FHOD3: variants seen among roughly 807,000 people sequenced by gnomAD.
FHOD3 encodes the protein FH1/FH2 domain-containing protein 3.
In FHOD3, 90 loss-of-function variants were observed where a neutral mutation model predicts 173.0. The ratio of observed to expected loss-of-function variants is 0.52; its 90% CI spans 0.44 to 0.62. The LOEUF is 0.62. Ranked by LOEUF, FHOD3 falls within the 20% of genes least tolerant of loss-of-function variation. FHOD3 has a pLI of 0.00. For missense variants in FHOD3, 1,945 were observed against 2,034.7 expected (o/e 0.96, Z 0.85); for synonymous variants, 828 against 823.0 (o/e 1.01, Z -0.10).
chr18:36,760,533 A>C lies in FHOD3; in HGVS notation c.4450-75A>C. On this transcript the variant is annotated intron_variant, in intron 26 of 28. Coordinates refer to ENST00000590592, the MANE Select transcript of FHOD3 (RefSeq NM_001281740.3). ...GACAGAGGAGAGGAGCTTTTCCTCAACCACGGGTTTTAGAAGCTTGAGTTG... is the reference window on the plus strand; with the variant it reads ...GACAGAGGAGAGGAGCTTTTCCTCACCCACGGGTTTTAGAAGCTTGAGTTG... The C allele has an allele frequency of 2.9e-6, 4 of 1,387,696 alleles. No homozygotes were observed. The South Asian group carries it at 5.0e-5, about 18-fold the overall frequency. The allele number at this position is 1,387,696 out of a possible 1,614,324, so 86.0% of individuals were successfully genotyped here.
chr18:36,395,522 T>A (rs901998026), intron 3 of FHOD3, among the ~76,000 whole-genome samples: 3 of 152,166 alleles, frequency 2.0e-5, no homozygotes, highest in Non-Finnish European at 4.4e-5. Flanking sequence ...TGTAAAAAAA[T>A]GTTTTCATAA....
chr18:36,470,351 T>C (rs2053208547), intron 3 of FHOD3, among the ~76,000 whole-genome samples: 1 of 152,192 alleles, frequency 6.6e-6, no homozygotes, highest in Non-Finnish European at 1.5e-5. Context: ...TCCCCAGATG[T>C]AATGTGAAGG....
intron 10 of FHOD3, among the ~76,000 whole-genome samples, chr18:36,632,609 C>T (rs1380332451): frequency 7.2e-5 from 11 of 152,246 alleles, no homozygotes; most frequent in Non-Finnish European, 1.0e-4. Flanking sequence ...TCGTGAGTCC[C>T]GTCCCGTGTG....
chr18:36,473,251 T>C (rs1431874169), intron 3 of FHOD3, among the ~76,000 whole-genome samples: 1 of 152,110 alleles, frequency 6.6e-6, no homozygotes, highest in African/African-American at 2.4e-5. Context: ...CTGTCTCTAC[T>C]AAAAATACAA....
At chr18:36,748,698 G>T (rs1054594831) in intron 24 of FHOD3, among the ~76,000 whole-genome samples, 1 of 152,192 alleles carries the variant, frequency 6.6e-6, no homozygotes, top group Non-Finnish European at 1.5e-5. Context: ...TGGTTTTGGT[G>T]TGGGTAGTAA....
At chr18:36,463,100 T>C (rs2052659647) in intron 3 of FHOD3, among the ~76,000 whole-genome samples, 1 of 152,100 alleles carries the variant, frequency 6.6e-6, no homozygotes, top group Admixed American at 6.6e-5. Flanking sequence ...ATTTCTCAAC[T>C]TTTTAAAAGA....
At chr18:36,434,367 G>A (rs371404616) in intron 3 of FHOD3, among the ~76,000 whole-genome samples, 42 of 152,082 alleles carry the variant, frequency 2.8e-4, no homozygotes, top group African/African-American at 8.2e-4. Context: ...ATCAGTTGAC[G>A]GTGTATGTGT....
intron 10 of FHOD3, among the ~76,000 whole-genome samples, chr18:36,639,355 C>G (rs936913924): frequency 3.9e-5 from 6 of 152,030 alleles, no homozygotes; most frequent in Admixed American, 2.0e-4. Context: ...TCCTGGCTAA[C>G]AGGTGAAACC....
At chr18:36,762,168 A>G (rs2150290538) in intron 27 of FHOD3, among the ~76,000 whole-genome samples, 1 of 152,284 alleles carries the variant, frequency 6.6e-6, no homozygotes, top group South Asian at 2.1e-4. Context: ...TACAAAAATA[A>G]CGGTAGTAAT....
intron 3 of FHOD3, among the ~76,000 whole-genome samples, chr18:36,453,266 A>C (rs1327181999): frequency 6.6e-6 from 1 of 152,154 alleles, no homozygotes; most frequent in South Asian, 2.1e-4. Context: ...TGGGTATAAA[A>C]ATTTCTTGAG....
At position 36,609,607 on chromosome 18, in the gene FHOD3, C is replaced by CTT. The variant is rs1181851197; in HGVS notation, c.814-2326_814-2325dup. On this transcript the variant is annotated intron_variant, in intron 8 of 28. Coordinates refer to ENST00000590592, the MANE Select transcript of FHOD3 (RefSeq NM_001281740.3). Reference sequence around the variant, plus strand: ...AAGAGTTTCCCGAGTCTTTTTAGTTCTTTTTTTTTTTTTTTTTTTTGAGAC... The same window carrying CTT: ...AAGAGTTTCCCGAGTCTTTTTAGTTCTTTTTTTTTTTTTTTTTTTTTTGAGAC... Among the ~76,000 whole-genome samples the CTT allele has an allele frequency of 1.8e-3, 207 of 118,166 alleles. 2 individuals carry two copies. Among genetic ancestry groups the CTT allele is most frequent in the Middle Eastern group, 4.6e-3 (1 of 216 alleles). The allele number at this position is 118,166 out of a possible 152,430, so 77.5% of individuals were successfully genotyped here.
At chr18:36,688,250 G>A (rs2038753330) in intron 16 of FHOD3, among the ~76,000 whole-genome samples, 1 of 152,228 alleles carries the variant, frequency 6.6e-6, no homozygotes, top group Non-Finnish European at 1.5e-5. Flanking sequence ...GAGATGGAAA[G>A]ACTGCTTTTA....
At chr18:36,608,887 TGCTTACCCA>T (rs1249768602) in intron 8 of FHOD3, among the ~76,000 whole-genome samples, 2 of 152,248 alleles carry the variant, frequency 1.3e-5, no homozygotes, top group Non-Finnish European at 2.9e-5. Context: ...GATGCATATG[TGCTTACCCA>T]TTCACCTGTT....
intron 5 of FHOD3, among the ~76,000 whole-genome samples, chr18:36,569,592 T>C (rs753204678): frequency 1.3e-5 from 2 of 152,124 alleles, no homozygotes; most frequent in East Asian, 1.9e-4. Flanking sequence ...ATAGTTCTAA[T>C]TGACATCTTT....
chr18:36,346,463 A>G (rs1356497004), intron 1 of FHOD3, among the ~76,000 whole-genome samples: 1 of 152,216 alleles, frequency 6.6e-6, no homozygotes, highest in African/African-American at 2.4e-5. Flanking sequence ...TGCCATGTTA[A>G]TGCAAATGGT....
At chr18:36,442,489 A>G (rs779340881) in intron 3 of FHOD3, among the ~76,000 whole-genome samples, 2 of 152,144 alleles carry the variant, frequency 1.3e-5, no homozygotes, top group Non-Finnish European at 2.9e-5. Flanking sequence ...CATTTTTCCT[A>G]TTATCTATGT....
At chr18:36,337,550 A>G (rs2045384490) in intron 1 of FHOD3, among the ~76,000 whole-genome samples, 1 of 152,204 alleles carries the variant, frequency 6.6e-6, no homozygotes, top group Non-Finnish European at 1.5e-5. Flanking sequence ...TGGAAGGGCC[A>G]TCCTTCAGCA....
chr18:36,695,053 A>G (rs2039193400), intron 17 of FHOD3, among the ~76,000 whole-genome samples: 1 of 151,840 alleles, frequency 6.6e-6, no homozygotes, highest in Non-Finnish European at 1.5e-5. Context: ...TTTCAAAAGA[A>G]TATTTGCAGC....
intron 1 of FHOD3, among the ~76,000 whole-genome samples, chr18:36,330,148 A>G (rs1423600699): frequency 6.6e-6 from 1 of 152,178 alleles, no homozygotes; most frequent in African/African-American, 2.4e-5. Flanking sequence ...CAACTTAACC[A>G]GACCTATTAG....
Sources: allele counts gnomAD v4.1 joint callset (sites outside exome capture counted in the v4.1 genomes callset), GRCh38; gene constraint gnomAD v4.1.1; transcripts MANE v1.5; gene names NCBI Gene and HGNC (gene_info 2026-07-23, HGNC 2026-07-21).